NLK: variants seen among roughly 807,000 people sequenced by gnomAD.
NLK encodes serine/threonine-protein kinase NLK.
A neutral mutation model predicts 59.0 loss-of-function variants in NLK; 11 were observed. The ratio of observed to expected loss-of-function variants is 0.19; its 90% CI spans 0.12 to 0.31. The LOEUF is 0.31. Ranked by LOEUF, NLK falls within the 10% of genes least tolerant of loss-of-function variation. NLK has a pLI of 1.00. For missense variants in NLK, 410 were observed against 661.1 expected (o/e 0.62, Z 4.16); for synonymous variants, 235 against 235.9 (o/e 1.00, Z 0.03).
intron 1 of NLK, among the ~76,000 whole-genome samples, chr17:28,069,255 G>GT (rs1464447055): frequency 6.6e-6 from 1 of 152,082 alleles, no homozygotes; most frequent in East Asian, 1.9e-4. Flanking sequence ...ACATATCAGT[G>GT]TTTTTTTCTC....
At chr17:28,188,548 G>T (rs530579261) in intron 8 of NLK, among the ~76,000 whole-genome samples, 1 of 152,142 alleles carries the variant, frequency 6.6e-6, no homozygotes, top group Non-Finnish European at 1.5e-5. Flanking sequence ...CACGATCTCC[G>T]CTCACCACAA....
intron 1 of NLK, among the ~76,000 whole-genome samples, chr17:28,065,119 T>TATAAATACAG (rs1387685940): frequency 2.0e-5 from 3 of 152,262 alleles, no homozygotes; most frequent in Non-Finnish European, 2.9e-5. Flanking sequence ...AATAAAGATA[T>TATAAATACAG]ATAAATACAG....
At chr17:28,198,168 G>C (rs1449421048), downstream of NLK, among the ~76,000 whole-genome samples, 3 of 152,154 alleles carry the variant, frequency 2.0e-5, no homozygotes, top group African/African-American at 7.2e-5. Flanking sequence ...ACAGAGTCTT[G>C]CTCTGTCACC....
chr17:28,077,073 CTTTTTTTTTTTTTTT>C (rs35639099), intron 1 of NLK, among the ~76,000 whole-genome samples: 837 of 42,666 alleles, frequency 0.02, 38 homozygotes, highest in African/African-American at 0.072. Context: ...CTCTTTCTTT[CTTTTTTTTTTTTTTT>C]TTTTTTTTTT....
intron 1 of NLK, among the ~76,000 whole-genome samples, chr17:28,107,929 A>G (rs1354871817): frequency 6.6e-6 from 1 of 152,132 alleles, no homozygotes; most frequent in East Asian, 1.9e-4. Context: ...AAACATCCTA[A>G]AAATGTCTTA....
intron 1 of NLK, among the ~76,000 whole-genome samples, chr17:28,064,586 TG>T (rs1177695658): frequency 1.3e-5 from 2 of 152,112 alleles, no homozygotes; most frequent in Non-Finnish European, 2.9e-5. Flanking sequence ...TTTTCAGGGA[TG>T]GGGTCTCATT....
intron 8 of NLK, among the ~76,000 whole-genome samples, chr17:28,188,699 C>T (rs1909206467): frequency 6.6e-6 from 1 of 152,156 alleles, no homozygotes; most frequent in Admixed American, 6.5e-5. Context: ...CAAAGCTGGT[C>T]TCGAACTCCT....
At chr17:28,057,555 AC>A (rs1316167392) in intron 1 of NLK, among the ~76,000 whole-genome samples, 1 of 152,144 alleles carries the variant, frequency 6.6e-6, no homozygotes, top group Non-Finnish European at 1.5e-5. Context: ...CATTCTACAA[AC>A]TTTTTTTTGT....
intron 5 of NLK, 64 bp from the exon 6 acceptor site, chr17:28,168,384 A>T: frequency 8.9e-5 from 94 of 1,055,600 alleles, no homozygotes; most frequent in Non-Finnish European, 1.2e-4. Flanking sequence ...CAAAATTTTG[A>T]TGTTTTGTTT....
intron 1 of NLK, among the ~76,000 whole-genome samples, chr17:28,075,749 T>G (rs1910143231): frequency 6.6e-6 from 1 of 152,146 alleles, no homozygotes; most frequent in Non-Finnish European, 1.5e-5. Flanking sequence ...CAGACCACTT[T>G]CTCGGTCCCT....
intron 1 of NLK, among the ~76,000 whole-genome samples, chr17:28,094,283 A>G (rs1488059458): frequency 6.6e-6 from 1 of 152,246 alleles, no homozygotes; most frequent in Non-Finnish European, 1.5e-5. Flanking sequence ...TTACCCACGT[A>G]GTTTGAGAGA....
intron 1 of NLK, among the ~76,000 whole-genome samples, chr17:28,098,567 C>A (rs1904784650): frequency 6.6e-6 from 1 of 151,116 alleles, no homozygotes; most frequent in African/African-American, 2.4e-5. Flanking sequence ...TTGGCCACAT[C>A]ATTTTAATTG....
chr17:28,098,775 C>T (rs765230468), intron 1 of NLK, among the ~76,000 whole-genome samples: 10 of 150,992 alleles, frequency 6.6e-5, no homozygotes, highest in African/African-American at 2.0e-4. Flanking sequence ...CTCCGCCTCC[C>T]GGGTTCAAGT....
intron 1 of NLK, among the ~76,000 whole-genome samples, chr17:28,111,489 T>C (rs1905476345): frequency 6.6e-6 from 1 of 152,148 alleles, no homozygotes. Context: ...ACAGTTTTTA[T>C]TGACTGCTTT....
At chr17:28,111,260 C>G (rs1368367595) in intron 1 of NLK, among the ~76,000 whole-genome samples, 2 of 151,990 alleles carry the variant, frequency 1.3e-5, no homozygotes, top group Non-Finnish European at 2.9e-5. Flanking sequence ...AATCTCAGCT[C>G]GCTGCAACCT....
intron 1 of NLK, among the ~76,000 whole-genome samples, chr17:28,073,713 C>A (rs1022453297): frequency 6.6e-6 from 1 of 152,212 alleles, no homozygotes; most frequent in Non-Finnish European, 1.5e-5. Flanking sequence ...CCTCTTCACT[C>A]ACTTCAGATG....
chr17:28,069,376 G>A (rs900727363), intron 1 of NLK, among the ~76,000 whole-genome samples: 1 of 152,140 alleles, frequency 6.6e-6, no homozygotes, highest in Non-Finnish European at 1.5e-5. Flanking sequence ...ATGGATATAA[G>A]TTTTTATTTC....
intron 1 of NLK, among the ~76,000 whole-genome samples, chr17:28,080,303 G>A (rs1334351564): frequency 1.3e-5 from 2 of 151,940 alleles, no homozygotes; most frequent in Admixed American, 1.3e-4. Context: ...AATTAGGCCA[G>A]GCATAGTGGC....
chr17:28,168,737 C>T (rs1908345205), intron 6 of NLK, 80 bp downstream of exon 6: 1 of 1,109,976 alleles, frequency 9.0e-7, no homozygotes, highest in Non-Finnish European at 1.4e-6. Flanking sequence ...GTGTCTTGGG[C>T]TTATTCATTA....
Sources: gnomAD v4.1 joint callset for allele counts (sites outside exome capture counted in the v4.1 genomes callset) on GRCh38, gnomAD v4.1.1 for gene constraint, MANE v1.5 for transcripts, NCBI Gene and HGNC (gene_info 2026-07-23, HGNC 2026-07-21) for gene names.